PDE3A: variants seen among roughly 807,000 people sequenced by gnomAD.
PDE3A encodes cGMP-inhibited 3',5'-cyclic phosphodiesterase 3A.
PDE3A carries 43 observed loss-of-function variants against 98.3 expected under a neutral mutation model. The ratio of observed to expected loss-of-function variants is 0.44; its 90% confidence interval spans 0.34 to 0.56. PDE3A has a LOEUF of 0.56. Among genes scored for constraint, PDE3A ranks in the 20% least tolerant of loss-of-function variants. PDE3A has a pLI of 0.01. For missense variants in PDE3A, 1,427 were observed against 1,440.7 expected, an observed-to-expected ratio of 0.99 and a Z score of 0.15; for synonymous variants, 663 against 567.9, an observed-to-expected ratio of 1.17 and a Z score of -2.38.
intron 15 of PDE3A, 86 bp downstream of exon 15, chr12:20,654,291 CA>C (rs1253167650): frequency 7.9e-7 from 1 of 1,261,368 alleles, no homozygotes; most frequent in African/African-American, 1.5e-5. Context: ...ATGAAATACA[CA>C]ATACTTCAAG....
Position 20,382,304 on chromosome 12 carries a change from T to C in PDE3A, c.960+12060T>C, listed in dbSNP as rs546441968. ...GAAACTGTACAGGAAGTTCTGACTT[T>C]TGCAATCCAATTCAACAAACAGTTT... On this transcript the variant is annotated intron_variant, in intron 1 of 15. Transcript: ENST00000359062. Among the ~76,000 whole-genome samples the C allele has an allele frequency of 2.0e-5, 3 of 152,042 alleles. No individual in the cohort carries two copies. The East Asian group carries it at 5.8e-4, about 29-fold the overall frequency.
chr12:20,508,809 A>T (rs1435421975), intron 1 of PDE3A, among the ~76,000 whole-genome samples: 2 of 4,980 alleles, frequency 4.0e-4, no homozygotes, highest in African/African-American at 9.3e-4. Context: ...CAAGTAGTTG[A>T]TACCAAAAAA....
At chr12:20,588,693 A>T (rs1943246773) in intron 2 of PDE3A, among the ~76,000 whole-genome samples, 1 of 152,124 alleles carries the variant, frequency 6.6e-6, no homozygotes, top group Non-Finnish European at 1.5e-5. Flanking sequence ...CCCCTCCTCA[A>T]TATGGGGGAA....
chr12:20,492,212 C>T (rs1945839024), intron 1 of PDE3A, among the ~76,000 whole-genome samples: 1 of 152,096 alleles, frequency 6.6e-6, no homozygotes, highest in African/African-American at 2.4e-5. Context: ...AACTCCTTAC[C>T]TCAAGTGATC....
At chr12:20,544,518 G>T (rs1380824210) in intron 1 of PDE3A, among the ~76,000 whole-genome samples, 1 of 151,862 alleles carries the variant, frequency 6.6e-6, no homozygotes, top group Non-Finnish European at 1.5e-5. Flanking sequence ...ATAACCATGA[G>T]TTCCTTGAAG....
Position 20,632,800 on chromosome 12 carries a change from C to T in PDE3A, c.1761-893C>T, listed in dbSNP as rs1015730603. Among the ~76,000 whole-genome samples the T allele has an allele frequency of 3.3e-5, 5 of 151,602 alleles. No homozygotes were observed. In the South Asian group the frequency reaches 6.3e-4, roughly 19 times the overall value. ...CTTAGGGCCTTAACAAGTAACTGAT[C>T]GATCTGAAAAAAAGAAGTCAATTTT... On this transcript the variant is annotated intron_variant, in intron 6 of 15. Transcript: ENST00000359062.
At chr12:20,559,328 T>C (rs964741649) in intron 2 of PDE3A, among the ~76,000 whole-genome samples, 2 of 151,870 alleles carry the variant, frequency 1.3e-5, no homozygotes, top group African/African-American at 4.8e-5. Flanking sequence ...TCTATGATGT[T>C]CCCACAACAA....
chr12:20,412,747 C>A (rs938306088), intron 1 of PDE3A, among the ~76,000 whole-genome samples: 7 of 152,120 alleles, frequency 4.6e-5, no homozygotes, highest in Non-Finnish European at 7.4e-5. Context: ...TTCTGAATGA[C>A]CTTAAACTCA....
chr12:20,536,762 A>G (rs919635954), intron 1 of PDE3A, among the ~76,000 whole-genome samples: 1 of 152,118 alleles, frequency 6.6e-6, no homozygotes, highest in Non-Finnish European at 1.5e-5. Context: ...TTGTATGGAT[A>G]TACCATTTTT....
At chr12:20,659,817 T>A (rs2121522409) in intron 15 of PDE3A, among the ~76,000 whole-genome samples, 1 of 152,342 alleles carries the variant, frequency 6.6e-6, no homozygotes, top group South Asian at 2.1e-4. Flanking sequence ...AGTTTTATTT[T>A]TACCACTTAT....
At chr12:20,600,737 G>C (rs1372533566) in intron 2 of PDE3A, among the ~76,000 whole-genome samples, 1 of 152,128 alleles carries the variant, frequency 6.6e-6, no homozygotes, top group Non-Finnish European at 1.5e-5. Flanking sequence ...CCAGAATCAG[G>C]TTGTTAAATA....
chr12:20,627,842 A>G (rs1396447648), intron 5 of PDE3A, among the ~76,000 whole-genome samples: 2 of 152,344 alleles, frequency 1.3e-5, no homozygotes, highest in South Asian at 2.1e-4. Context: ...GATACTCAGT[A>G]CAGATACCTC....
Position 20,602,648 on chromosome 12 carries a change from C to G in PDE3A, c.1012-10795C>G, listed in dbSNP as rs930464598. ...ACCTGCCCACAGACATGTTGGGAAG[C>G]AGTTTGATGAAGGGCCCTATAGGTT... is the stretch of plus-strand genomic sequence containing the variant. On this transcript the variant is annotated intron_variant, in intron 2 of 15. Coordinates refer to ENST00000359062, the MANE Select transcript of PDE3A (RefSeq NM_000921.5). Among the ~76,000 whole-genome samples the G allele has an allele frequency of 3.9e-5, 6 of 152,122 alleles. No homozygotes were observed. The South Asian group carries it at 1.2e-3, about 32-fold the overall frequency.
rs1294873140 is a variant in PDE3A at position 20,571,001 on chromosome 12, G to A, written c.1011+14291G>A. Among the ~76,000 whole-genome samples, 3 of 152,278 alleles carry A rather than the reference G, an allele frequency of 2.0e-5. No homozygotes were observed. In the East Asian group the frequency reaches 5.8e-4, roughly 29 times the overall value. Reference sequence around the variant, plus strand: ...GAAACTAGAAAAGTCTTCCTTTTAAGAAGTTTCCCAGGTGATGTGACAAGT... The same window carrying A: ...GAAACTAGAAAAGTCTTCCTTTTAAAAAGTTTCCCAGGTGATGTGACAAGT... On this transcript the variant is annotated intron_variant, in intron 2 of 15. Transcript: ENST00000359062.
intron 2 of PDE3A, among the ~76,000 whole-genome samples, chr12:20,597,439 C>T (rs1422390645): frequency 6.6e-6 from 1 of 152,142 alleles, no homozygotes; most frequent in African/African-American, 2.4e-5. Flanking sequence ...AGTATGTTTG[C>T]TATCTGTCTT....
chr12:20,669,198 G>A (rs1403645976), intron 15 of PDE3A, among the ~76,000 whole-genome samples: 1 of 151,070 alleles, frequency 6.6e-6, no homozygotes, highest in Admixed American at 6.7e-5. Flanking sequence ...ATGGGACTAT[G>A]TGAAAAGACC....
chr12:20,438,361 G>T (rs983722631), intron 1 of PDE3A, among the ~76,000 whole-genome samples: 1 of 152,120 alleles, frequency 6.6e-6, no homozygotes, highest in African/African-American at 2.4e-5. Flanking sequence ...GGTTGTCAGG[G>T]CTGTTATGCT....
Position 20,369,190 on chromosome 12 carries a change from CGTGTGTGTGT to C in PDE3A, c.-83_-74del, listed in dbSNP as rs140759925. 4 of 653,572 alleles carry C rather than the reference CGTGTGTGTGT, an allele frequency of 6.1e-6. No homozygotes were observed. The highest frequency in any genetic ancestry group is 9.9e-6 in the Non-Finnish European group (4 of 406,004). 40.5% of individuals were successfully genotyped at this position (653,572 alleles called of 1,614,324 possible). ...GGTGGAATTGGGAAGAGCGTGCGTG[CGTGTGTGTGT>C]GTGTGTGTGTGCGCGCGCGCGCGTG... On this transcript the variant is annotated 5_prime_UTR_variant, in exon 1 of 16. Transcript: ENST00000359062.
chr12:20,559,334 A>T (rs1942453256), intron 2 of PDE3A, among the ~76,000 whole-genome samples: 2 of 151,982 alleles, frequency 1.3e-5, no homozygotes, highest in South Asian at 4.1e-4. Flanking sequence ...ATGTTCCCAC[A>T]ACAAAATCCC....
Sources: allele counts gnomAD v4.1 joint callset (sites outside exome capture counted in the v4.1 genomes callset), GRCh38; gene constraint gnomAD v4.1.1; transcripts MANE v1.5; gene names NCBI Gene and HGNC (gene_info 2026-07-23, HGNC 2026-07-21).